ACTN1: variants seen among roughly 807,000 people sequenced by gnomAD.
ACTN1 encodes the protein alpha-actinin-1.
ACTN1 carries 30 observed loss-of-function variants against 119.6 expected under a neutral mutation model. The observed-to-expected ratio is 0.25, with a 90% CI of 0.19 to 0.34. The LOEUF is 0.34. Among genes scored for constraint, ACTN1 ranks in the 10% least tolerant of loss-of-function variants. ACTN1 has a pLI of 1.00. For synonymous variants in ACTN1, 429 were observed against 472.6 expected, an observed-to-expected ratio of 0.91 and a Z score of 1.20; for missense variants, 764 against 1,223.4, an observed-to-expected ratio of 0.62 and a Z score of 5.60.
intron 1 of ACTN1, among the ~76,000 whole-genome samples, chr14:68,942,055 C>T (rs951048211): frequency 2.0e-5 from 3 of 152,114 alleles, no homozygotes; most frequent in African/African-American, 7.2e-5. Flanking sequence ...CCAGAGATAC[C>T]AGGGGATGAG....
chr14:68,971,724 G>C (rs964580978), intron 1 of ACTN1, among the ~76,000 whole-genome samples: 15 of 152,184 alleles, frequency 9.9e-5, no homozygotes, highest in African/African-American at 3.6e-4. Context: ...GCCCTGACCT[G>C]TGGGTGGCAG....
chr14:68,978,940 G>A lies in ACTN1; in HGVS notation c.105+12C>T, dbSNP rs1193353175. The A allele has an allele frequency of 2.8e-6, 4 of 1,441,428 alleles. No homozygotes were observed. The highest frequency in any genetic ancestry group is 3.8e-6 in the Non-Finnish European group (4 of 1,047,432). The allele number at this position is 1,441,428 out of a possible 1,614,324, so 89.3% of individuals were successfully genotyped here. ...GGGCTGGGGGCTGCAGCGGGCGGGG[G>A]CGGCTGCTAACCTTTCTCTGCTGCT... On this transcript the variant is annotated intron_variant, in intron 1 of 21. Coordinates refer to ENST00000394419, the MANE Select transcript of ACTN1 (RefSeq NM_001130004.2).
intron 1 of ACTN1, among the ~76,000 whole-genome samples, chr14:68,969,765 A>G (rs752117481): frequency 1.3e-5 from 2 of 152,174 alleles, no homozygotes; most frequent in African/African-American, 2.4e-5. Flanking sequence ...CCACTTCTCT[A>G]TCCCCAAACT....
chr14:68,886,132 A>G (rs75493947), intron 11 of ACTN1: 4,059 of 152,478 alleles, frequency 0.027, 51 homozygotes, highest in Non-Finnish European at 0.034. Context: ...TTGTTTCCAC[A>G]GGAGGAAAGC....
intron 1 of ACTN1, among the ~76,000 whole-genome samples, chr14:68,948,577 T>TA (rs371488530): frequency 2.2e-4 from 32 of 148,632 alleles, no homozygotes; most frequent in Middle Eastern, 3.4e-3. Context: ...GACTCCATCT[T>TA]AAAAAAAAAA....
chr14:68,919,529 T>A (rs899302344), intron 3 of ACTN1, among the ~76,000 whole-genome samples: 1 of 152,268 alleles, frequency 6.6e-6, no homozygotes, highest in African/African-American at 2.4e-5. Context: ...TACTGCTATA[T>A]GTAAATCCTT....
rs953757882 is a variant in ACTN1, at chr14:68,888,049, G to A, written c.1234+2090C>T. On this transcript the variant is annotated intron_variant, in intron 11 of 21. Coordinates refer to ENST00000394419, the MANE Select transcript of ACTN1 (RefSeq NM_001130004.2). ...ATCTCCTCTTGGGCTTTTCCTTGGCGGCTCCTTCAGCAGAGCTGACCTTCC... is the reference window on the plus strand; with the variant it reads ...ATCTCCTCTTGGGCTTTTCCTTGGCAGCTCCTTCAGCAGAGCTGACCTTCC... The A allele has an allele frequency of 8.3e-6, 6 of 725,808 alleles. No homozygotes were observed. The African/African-American group carries it at 8.8e-5, about 11-fold the overall frequency. 45.0% of individuals were successfully genotyped at this position (725,808 alleles called of 1,614,324 possible). A position where few individuals can be genotyped will look rare whatever the true frequency, so the allele number is the denominator to read the frequency against.
At position 68,909,504 on chromosome 14, in the gene ACTN1, G is replaced by C. The variant is rs2033872804; in HGVS notation, c.516-108C>G. The C allele has an allele frequency of 7.2e-6, 7 of 970,188 alleles. No homozygotes were observed. Among genetic ancestry groups the C allele is most frequent in the Non-Finnish European group, 9.6e-6 (6 of 624,362 alleles). 60.1% of individuals were successfully genotyped at this position (970,188 alleles called of 1,614,324 possible). ...GACACCAGAGAGATGAACACATAGA[G>C]CTTTCTGGGGTAGGAGTTAGAAGAC... On this transcript the variant is annotated intron_variant, in intron 5 of 21. Transcript: ENST00000394419. This position sits in a 1 kb window ranked among gnomAD's most constrained non-coding sequence, Gnocchi z 4.1.
rs150904596 is a variant in ACTN1, at chr14:68,880,464, T to TACACACAC, written c.2133+338_2133+345dup. On this transcript the variant is annotated intron_variant, in intron 17 of 21. Transcript: ENST00000394419. The surrounding 1 kb of genome is among the most constrained non-coding windows in gnomAD (Gnocchi z 4.6). ...CCACAGCCACGCGCGCACACACACATACACACACACACACTCTTGCACAGT... is the reference window on the plus strand; with the variant it reads ...CCACAGCCACGCGCGCACACACACATACACACACACACACACACACACTCTTGCACAGT... Among the ~76,000 whole-genome samples the TACACACAC allele has an allele frequency of 1.3e-4, 20 of 151,388 alleles. No individual in the cohort carries two copies. Among genetic ancestry groups the TACACACAC allele is most frequent in the South Asian group, 8.4e-4 (4 of 4,776 alleles).
At chr14:68,931,238 G>T (rs567657608) in intron 1 of ACTN1, among the ~76,000 whole-genome samples, 1 of 152,236 alleles carries the variant, frequency 6.6e-6, no homozygotes, top group Admixed American at 6.5e-5. Context: ...CCAGGGGACC[G>T]CAGCCAGCAT....
rs2034049649 is a variant in ACTN1 at position 68,912,186 on chromosome 14, G to A, written c.397C>T (p.Arg133Cys). 1.9e-6 allele frequency: 3 copies of A among 1,614,086 alleles called. No homozygotes were observed. Among genetic ancestry groups the A allele is most frequent in the Middle Eastern group, 1.6e-4 (1 of 6,062 alleles). The stretch of plus-strand genomic sequence containing the variant: ...ACGGAGATGTCCTGGATGGCAAAGC[G>A]CAGGATGATGGTCCAGATCATGCCC... ...TLGMIWTIIL[R>C]FAIQDISVEE... is the part of the protein sequence containing the mutation. Residue 133 changes from arginine (R) to cysteine (C), a missense_variant, in exon 4 of 22, where the codon CGC (arginine) becomes TGC (cysteine). By Grantham distance (180) the Arg-to-Cys change is radical (BLOSUM62 -3). Coordinates refer to ENST00000394419, the MANE Select transcript of ACTN1 (RefSeq NM_001130004.2).
Position 68,890,286 on chromosome 14 carries a change from C to A in ACTN1, c.1087G>T (p.Asp363Tyr). The A allele has an allele frequency of 6.2e-7, 1 of 1,614,136 alleles. No individual in the cohort carries two copies. Among genetic ancestry groups the A allele is most frequent in the Non-Finnish European group, 8.5e-7 (1 of 1,179,994 alleles). Reference protein sequence around the residue: ...FMPSEGRMVSDINNAWGCLEQ... With the variant: ...FMPSEGRMVSYINNAWGCLEQ... ...AGGCAGCCCCAGGCATTGTTGATGT[C>A]CTGTGGGGATGGGAGGTACAGGGTC... is the stretch of plus-strand genomic sequence containing the variant. Residue 363 changes from aspartate (D) to tyrosine (Y), a missense_variant and splice_region_variant, in exon 11 of 22, where the codon GAC (aspartate) becomes TAC (tyrosine). Asp to Tyr is a radical substitution (Grantham distance 160). Coordinates refer to ENST00000394419, the MANE Select transcript of ACTN1 (RefSeq NM_001130004.2).
At chr14:68,908,992 C>T (rs2033834607) in intron 6 of ACTN1, among the ~76,000 whole-genome samples, 1 of 152,180 alleles carries the variant, frequency 6.6e-6, no homozygotes, top group East Asian at 1.9e-4. Flanking sequence ...ATAGTGTCTC[C>T]TCTTTACAAA....
At chr14:68,916,545 A>C (rs908984680) in intron 3 of ACTN1, among the ~76,000 whole-genome samples, 2 of 152,176 alleles carry the variant, frequency 1.3e-5, no homozygotes, top group African/African-American at 4.8e-5. Context: ...GCCCAGCCCC[A>C]GTTCCCACCT....
At chr14:68,967,840 T>C (rs2036753774) in intron 1 of ACTN1, among the ~76,000 whole-genome samples, 1 of 152,192 alleles carries the variant, frequency 6.6e-6, no homozygotes, top group Non-Finnish European at 1.5e-5. Flanking sequence ...TCCAAAACTC[T>C]ACATGCAGCC....
chr14:68,926,828 G>GAACATCACACCAGAGAGTATCAGGGGAAA (rs2034950257), intron 1 of ACTN1, among the ~76,000 whole-genome samples: 1 of 152,196 alleles, frequency 6.6e-6, no homozygotes, highest in South Asian at 2.1e-4. Flanking sequence ...GAAGAGGGAA[G>GAACATCACACCAGAGAGTATCAGGGGAAA]AACATCACAC....
chr14:68,977,697 C>T (rs1379336736), intron 1 of ACTN1: 9 of 310,846 alleles, frequency 2.9e-5, no homozygotes, highest in South Asian at 2.0e-4. Flanking sequence ...AACTACCCCC[C>T]TTTTAAGTTT....
At chr14:68,927,390 C>A (rs749419547) in intron 1 of ACTN1, among the ~76,000 whole-genome samples, 6 of 152,204 alleles carry the variant, frequency 3.9e-5, no homozygotes, top group Non-Finnish European at 4.4e-5. Flanking sequence ...CAATGTTCAC[C>A]TTTATATCCC....
intron 1 of ACTN1, among the ~76,000 whole-genome samples, chr14:68,963,100 AGG>A (rs2036591787): frequency 6.6e-6 from 1 of 151,932 alleles, no homozygotes; most frequent in Non-Finnish European, 1.5e-5. Context: ...CACCCTTTGC[AGG>A]CCCACCTCCC....
Sources: allele counts gnomAD v4.1 joint callset (sites outside exome capture counted in the v4.1 genomes callset), GRCh38; gene constraint gnomAD v4.1.1; non-coding constraint Gnocchi (gnomAD v3.1); transcripts MANE v1.5; gene names NCBI Gene and HGNC (gene_info 2026-07-23, HGNC 2026-07-21).